The following POLR2B variants were observed in gnomAD, a reference collection of about 807,000 sequenced individuals.
POLR2B encodes RNA polymerase II subunit B, also known as DNA-directed RNA polymerase II subunit RPB2.
In POLR2B, 57 loss-of-function variants were observed where a neutral mutation model predicts 144.6. The ratio of observed to expected loss-of-function variants is 0.39; its 90% CI spans 0.32 to 0.49. POLR2B has a LOEUF of 0.49. Among genes scored for constraint, POLR2B ranks in the 20% least tolerant of loss-of-function variants. The pLI is 0.83. For synonymous variants in POLR2B, 442 were observed against 469.8 expected (o/e 0.94, Z 0.77); for missense variants, 595 against 1,467.4 (o/e 0.41, Z 9.71).
rs1723639680 is a variant in POLR2B, at chr4:57,024,213, AG to A, written c.2964+102del. ...ATTTGAGCCAGGGTACTTTGTAAAA[AG>A]CTAGTGTGAGACTTACTTTTCTGCT... On this transcript the variant is annotated intron_variant, in intron 21 of 24. Transcript: ENST00000314595. The A allele has an allele frequency of 5.0e-6, 3 of 601,040 alleles. No homozygotes were observed. In the Middle Eastern group the frequency reaches 8.2e-4, roughly 165 times the overall value. The allele number at this position is 601,040 out of a possible 1,614,324, so 37.2% of individuals were successfully genotyped here.
chr4:57,005,272 T>C lies in POLR2B; in HGVS notation c.927T>C (p.Phe309=). Residue 309 remains phenylalanine (F), a synonymous_variant, in exon 8 of 25, where the codon TTT becomes TTC. Transcript: ENST00000314595. ...TTAAACCTTCTCTCGATGAAGCTTT[T>C]GTCATCCAAGAACAGAATGTTGCAC... ...EMVKPSLDEA[F]VIQEQNVALN... The C allele has an allele frequency of 3.2e-6, 5 of 1,570,262 alleles. No individual in the cohort carries two copies. Among genetic ancestry groups the C allele is most frequent in the Non-Finnish European group, 4.3e-6 (5 of 1,164,242 alleles).
At chr4:57,021,642 C>T (rs1723553920) in intron 17 of POLR2B, among the ~76,000 whole-genome samples, 1 of 149,860 alleles carries the variant, frequency 6.7e-6, no homozygotes. Context: ...GCACGCACCA[C>T]CATGCCAGAG....
chr4:56,993,414 A>G (rs1011944104), intron 3 of POLR2B, among the ~76,000 whole-genome samples: 3 of 152,208 alleles, frequency 2.0e-5, no homozygotes, highest in African/African-American at 7.2e-5. Flanking sequence ...GGCACAGATA[A>G]GGAGTAGAGG....
intron 16 of POLR2B, 92 bp from the exon 17 acceptor site, chr4:57,020,807 C>A: frequency 1.3e-6 from 1 of 792,164 alleles, no homozygotes; most frequent in Non-Finnish European, 2.3e-6. Flanking sequence ...GCATTTATGG[C>A]AAATATGATG....
Position 57,015,528 on chromosome 4 carries a change from G to A in POLR2B, c.1827G>A (p.Glu609=). The change falls in exon 14 of 25, where the codon GAG becomes GAA. Residue 609 remains glutamate (E), a synonymous_variant. Transcript: ENST00000314595. ...TTTCTATGATCAGAGATATTCGAGAGAGGGAGATTCGGATCTATACGGATG... is the reference window on the plus strand; with the variant it reads ...TTTCTATGATCAGAGATATTCGAGAAAGGGAGATTCGGATCTATACGGATG... ...SEVSMIRDIR[E]REIRIYTDAG... is the part of the protein sequence containing the mutation. The A allele has an allele frequency of 7.1e-7, 1 of 1,412,948 alleles. No homozygotes were observed. The highest frequency in any genetic ancestry group is 9.4e-7 in the Non-Finnish European group (1 of 1,065,264). The allele number at this position is 1,412,948 out of a possible 1,614,324, so 87.5% of individuals were successfully genotyped here. A position where few individuals can be genotyped will look rare whatever the true frequency, so the allele number is the denominator to read the frequency against.
chr4:57,012,797 T>C (rs923826211), intron 13 of POLR2B, among the ~76,000 whole-genome samples: 2 of 152,196 alleles, frequency 1.3e-5, no homozygotes, highest in Admixed American at 1.3e-4. Flanking sequence ...CCTGAGTAGC[T>C]GGGATTACAG....
rs1295292407 is a variant in POLR2B, at chr4:57,023,570, G to A, written c.2756G>A (p.Cys919Tyr). 2.5e-6 allele frequency: 4 copies of A among 1,613,930 alleles called. No individual in the cohort carries two copies. Among genetic ancestry groups the A allele is most frequent in the Non-Finnish European group, 3.4e-6 (4 of 1,179,862 alleles). The change falls in exon 19 of 25, where the codon TGT (cysteine) becomes TAT (tyrosine). Residue 919 changes from cysteine (C) to tyrosine (Y), a missense_variant. Cys to Tyr is a radical substitution (Grantham distance 194). Coordinates refer to ENST00000314595, the MANE Select transcript of POLR2B (RefSeq NM_000938.3). The surrounding 1 kb of genome is among the most constrained non-coding windows in gnomAD (Gnocchi z 4.3). Reference protein sequence around the residue: ...VTLNQEGYKFCKIRVRSVRIP... With the variant: ...VTLNQEGYKFYKIRVRSVRIP... Reference sequence around the variant, plus strand: ...CTCAATCAGGAAGGATATAAATTTTGTAAAATAAGGGTGAGTACAACTTTG... The same window carrying A: ...CTCAATCAGGAAGGATATAAATTTTATAAAATAAGGGTGAGTACAACTTTG...
intron 3 of POLR2B, 91 bp downstream of exon 3, chr4:56,990,989 G>A: frequency 9.5e-7 from 1 of 1,051,864 alleles, no homozygotes; most frequent in Non-Finnish European, 1.3e-6. Flanking sequence ...GTTAAAAAAA[G>A]TCAGTTGGAG....
rs1264096622 is a variant in POLR2B at position 57,017,384 on chromosome 4, T to TG, written c.2154+144dup. 9 of 786,656 alleles carry TG rather than the reference T, an allele frequency of 1.1e-5. No individual in the cohort carries two copies. The East Asian group carries it at 2.2e-4, about 19-fold the overall frequency. 48.7% of individuals were successfully genotyped at this position (786,656 alleles called of 1,614,324 possible). ...CTACGGAATCAGTATTTGATATAAT[T>TG]GCTGTTGTGTTTCATGGTTAAGAGC... On this transcript the variant is annotated intron_variant, in intron 15 of 24. Coordinates refer to ENST00000314595, the MANE Select transcript of POLR2B (RefSeq NM_000938.3). The surrounding 1 kb of genome is among the most constrained non-coding windows in gnomAD (Gnocchi z 4.8).
Position 56,994,447 on chromosome 4 carries a change from C to A in POLR2B, c.287C>A (p.Pro96His). 6.2e-7 allele frequency: 1 copy of A among 1,608,676 alleles called. No individual in the cohort carries two copies. The highest frequency in any genetic ancestry group is 8.5e-7 in the Non-Finnish European group (1 of 1,175,198). The change falls in exon 4 of 25, where the codon CCT becomes CAT. Residue 96 changes from proline (P) to histidine (H), a missense_variant. By Grantham distance (77) the Pro-to-His change is moderately conservative. Around this residue, in one of 9 missense-constraint regions of POLR2B, gnomAD observed 251 missense variants for 567.3 expected, o/e 0.44. Transcript: ENST00000314595. ...TTTGAACAAATTTATCTTTCCAAGC[C>A]TACCCATTGGGAAAGAGATGGTGCT... is the stretch of plus-strand genomic sequence containing the variant. The part of the protein sequence containing the change: ...LKFEQIYLSK[P>H]THWERDGAPS...
At chr4:56,989,675 A>G (rs998093589) in intron 2 of POLR2B, among the ~76,000 whole-genome samples, 1 of 152,244 alleles carries the variant, frequency 6.6e-6, no homozygotes, top group African/African-American at 2.4e-5. Context: ...ATAAGATGAC[A>G]GAGGTCACAA....
chr4:57,025,382 G>A lies in POLR2B; in HGVS notation c.3084G>A (p.Leu1028=). ...YGYHLRGNEV[L]YNGFTGRKIT... The stretch of plus-strand genomic sequence containing the variant: ...AAAATCTGTGTTTGTTGCAGGTCCT[G>A]TACAATGGGTTCACTGGTCGAAAAA... The change falls in exon 23 of 25, where the codon CTG becomes CTA. Residue 1028 remains leucine (L), a synonymous_variant. Coordinates refer to ENST00000314595, the MANE Select transcript of POLR2B (RefSeq NM_000938.3). The A allele has an allele frequency of 6.2e-7, 1 of 1,612,812 alleles. No individual in the cohort carries two copies. The highest frequency in any genetic ancestry group is 8.5e-7 in the Non-Finnish European group (1 of 1,178,840).
At chr4:56,992,043 G>A (rs1182203324) in intron 3 of POLR2B, among the ~76,000 whole-genome samples, 1 of 152,106 alleles carries the variant, frequency 6.6e-6, no homozygotes, top group Non-Finnish European at 1.5e-5. Context: ...AGTAACAGAA[G>A]TACTAAAAGA....
chr4:56,987,977 G>C (rs1722384042), intron 2 of POLR2B, among the ~76,000 whole-genome samples: 1 of 152,132 alleles, frequency 6.6e-6, no homozygotes, highest in Non-Finnish European at 1.5e-5. Context: ...TATAGTCCCA[G>C]CTACCTGGGA....
chr4:57,009,197 C>T (rs887278703), intron 10 of POLR2B, among the ~76,000 whole-genome samples: 2 of 152,152 alleles, frequency 1.3e-5, no homozygotes, highest in Admixed American at 1.3e-4. Context: ...CCAATGAGTA[C>T]AGAAAAGAGA....
chr4:57,015,469 A>G (rs1723335384), intron 13 of POLR2B, 33 bp from the exon 14 acceptor site: 5 of 1,216,752 alleles, frequency 4.1e-6, no homozygotes, highest in Non-Finnish European at 5.4e-6. Context: ...GAAAATAAAA[A>G]TTTGTGGAAC....
At position 57,007,025 on chromosome 4, in the gene POLR2B, C is replaced by G. The variant is rs1290590964; in HGVS notation, c.1404+23C>G. 7 of 1,519,240 alleles carry G rather than the reference C, an allele frequency of 4.6e-6. No individual in the cohort carries two copies. In the South Asian group the frequency reaches 8.0e-5, roughly 17 times the overall value. 94.1% of individuals were successfully genotyped at this position (1,519,240 alleles called of 1,614,324 possible). A position where few individuals can be genotyped will look rare whatever the true frequency, so the allele number is the denominator to read the frequency against. On this transcript the variant is annotated intron_variant, in intron 10 of 24. Coordinates refer to ENST00000314595, the MANE Select transcript of POLR2B (RefSeq NM_000938.3). ...CAGGTAAGTGTGCCAACTATGACTA[C>G]AGGCTCAATAGGAAACATGTTTATA... is the stretch of plus-strand genomic sequence containing the variant.
intron 1 of POLR2B, among the ~76,000 whole-genome samples, chr4:56,980,940 G>A (rs1227320886): frequency 6.6e-6 from 1 of 151,798 alleles, no homozygotes; most frequent in African/African-American, 2.4e-5. Flanking sequence ...GAGTAGCTGA[G>A]ATTACAGGCG....
intron 17 of POLR2B, 22 bp downstream of exon 17, chr4:57,021,017 C>T (rs779831356): frequency 3.1e-6 from 4 of 1,291,840 alleles, no homozygotes; most frequent in Non-Finnish European, 3.4e-6. Flanking sequence ...GTAAATTTGT[C>T]AAAACACAGA....
Sources: allele counts gnomAD v4.1 joint callset (sites outside exome capture counted in the v4.1 genomes callset), GRCh38; gene constraint gnomAD v4.1.1; regional missense constraint gnomAD v4.1.1; non-coding constraint Gnocchi (gnomAD v3.1); transcripts MANE v1.5; gene names NCBI Gene and HGNC (gene_info 2026-07-23, HGNC 2026-07-21).